The following LPP variants were observed in gnomAD, a reference collection of about 807,000 sequenced individuals.
The protein encoded by LPP is LIM domain containing preferred translocation partner in lipoma.
In LPP, 38 loss-of-function variants were observed where a neutral mutation model predicts 60.4. The ratio of observed to expected loss-of-function variants is 0.63; its 90% confidence interval spans 0.49 to 0.83. The LOEUF (loss-of-function observed/expected upper bound fraction) is 0.83, where lower values mean the gene tolerates loss of function less well. Ranked by LOEUF, LPP falls within the 40% of genes least tolerant of loss-of-function variation. The probability of loss-of-function intolerance (pLI) is 0.00; values close to 1 mark genes in which losing one functional copy is unlikely to be tolerated. For synonymous variants in LPP, 328 were observed against 290.8 expected, an observed-to-expected ratio of 1.13 and a Z score of -1.30; for missense variants, 902 against 783.6, an observed-to-expected ratio of 1.15 and a Z score of -1.80.
At chr3:188,221,635 A>C (rs1250803932) in intron 1 of LPP, among the ~76,000 whole-genome samples, 3 of 152,204 alleles carry the variant, frequency 2.0e-5, no homozygotes, top group Non-Finnish European at 1.5e-5. Flanking sequence ...GATATCAGCT[A>C]GTTAATTGTT....
At chr3:188,357,695 A>C (rs1382964004) in intron 3 of LPP, among the ~76,000 whole-genome samples, 2 of 152,240 alleles carry the variant, frequency 1.3e-5, no homozygotes, top group Admixed American at 6.5e-5. Context: ...TGAGCTCTAA[A>C]AATACAGTTT....
chr3:188,866,529 C>A (rs1002193822), intron 10 of LPP, 151 bp downstream of exon 10: 3 of 577,382 alleles, frequency 5.2e-6, no homozygotes, highest in African/African-American at 3.9e-5. Context: ...TCCCCTCCTC[C>A]AATGCAAGAA....
Position 188,883,618 on chromosome 3 carries a change from A to C in LPP, c.*9139A>C, listed in dbSNP as rs1770310988. The C allele has an allele frequency of 1.1e-5, 2 of 176,942 alleles. No homozygotes were observed. The highest frequency in any genetic ancestry group is 4.8e-5 in the African/African-American group (2 of 41,902). The allele number at this position is 176,942 out of a possible 1,614,324, so 11.0% of individuals were successfully genotyped here. On this transcript the variant is annotated 3_prime_UTR_variant, in exon 12 of 12. Transcript: ENST00000617246. Reference sequence around the variant, plus strand: ...CGTGTTGGCGGGCGCCTGTAGTCCCAACTACTTGGGAGGCTGAGGCAGGAG... The same window carrying C: ...CGTGTTGGCGGGCGCCTGTAGTCCCCACTACTTGGGAGGCTGAGGCAGGAG...
intron 7 of LPP, among the ~76,000 whole-genome samples, chr3:188,641,316 G>A (rs1850071353): frequency 6.6e-6 from 1 of 152,142 alleles, no homozygotes; most frequent in Admixed American, 6.6e-5. Flanking sequence ...AGTTAGAAGT[G>A]GTTAGAGAAG....
rs1419758882 is a variant in LPP at position 188,495,080 on chromosome 3, A to ATTT, written c.306+10377_306+10378insTTT. ...TTCAGGATTTTATATATATATATAT[A>ATTT]TATTTTATTTATATTTTATTATATA... On this transcript the variant is annotated intron_variant, in intron 5 of 11. Transcript: ENST00000617246. Among the ~76,000 whole-genome samples the ATTT allele has an allele frequency of 1.3e-3, 126 of 100,780 alleles. 8 individuals are homozygous for ATTT. Among genetic ancestry groups the ATTT allele is most frequent in the African/African-American group, 7.5e-3 (124 of 16,490 alleles). 66.1% of individuals were successfully genotyped at this position (100,780 alleles called of 152,430 possible).
In LPP at chr3:188,179,094, C is replaced by CAGAGAG. The variant is rs151265768; in HGVS notation, c.-190+24859_-190+24864dup. On this transcript the variant is annotated intron_variant, in intron 1 of 11. Transcript: ENST00000617246. ...AGCAAGAGAGAGGGAGGGAGAGAGACAGAGAGAGAGAGAGAGAGAGAGGTT... is the reference window on the plus strand; with the variant it reads ...AGCAAGAGAGAGGGAGGGAGAGAGACAGAGAGAGAGAGAGAGAGAGAGAGAGAGGTT... 268 of 264,820 alleles carry CAGAGAG rather than the reference C, an allele frequency of 1.0e-3. 2 individuals carry two copies. The highest frequency in any genetic ancestry group is 1.5e-3 in the Non-Finnish European group (203 of 131,676). The allele number at this position is 264,820 out of a possible 1,614,324, so 16.4% of individuals were successfully genotyped here. A position where few individuals can be genotyped will look rare whatever the true frequency, so the allele number is the denominator to read the frequency against.
At chr3:188,215,228 T>C (rs1420776406) in intron 1 of LPP, among the ~76,000 whole-genome samples, 1 of 151,580 alleles carries the variant, frequency 6.6e-6, no homozygotes, top group African/African-American at 2.4e-5. Flanking sequence ...ATTGCTTGAA[T>C]CCAGGGAGTG....
chr3:188,307,083 TAG>T (rs1433417331), intron 2 of LPP, among the ~76,000 whole-genome samples: 1 of 152,250 alleles, frequency 6.6e-6, no homozygotes, highest in East Asian at 1.9e-4. Flanking sequence ...TTGCATGTGC[TAG>T]AAACTTTGCT....
intron 4 of LPP, among the ~76,000 whole-genome samples, chr3:188,411,952 A>ACT (rs967897643): frequency 2.4e-5 from 3 of 126,928 alleles, no homozygotes; most frequent in East Asian, 4.8e-4. Context: ...CAACTTAATA[A>ACT]CTCTCTCTCT....
intron 8 of LPP, among the ~76,000 whole-genome samples, chr3:188,717,558 G>A (rs62291261): frequency 0.057 from 8,667 of 152,146 alleles, 311 homozygotes; most frequent in Non-Finnish European, 0.085. Context: ...AGAGAAGGTT[G>A]TATTGATTTG....
intron 2 of LPP, among the ~76,000 whole-genome samples, chr3:188,313,948 C>T (rs976566714): frequency 7.2e-5 from 11 of 151,934 alleles, no homozygotes; most frequent in African/African-American, 2.7e-4. Context: ...TGTTTGGGGT[C>T]TGGATTTCAG....
At chr3:188,252,073 T>TAC (rs1491568510) in intron 2 of LPP, among the ~76,000 whole-genome samples, 293 of 80,316 alleles carry the variant, frequency 3.6e-3, no homozygotes, top group African/African-American at 0.011. Flanking sequence ...TATATATATA[T>TAC]ATACACACAC....
intron 1 of LPP, among the ~76,000 whole-genome samples, chr3:188,218,489 G>A (rs1302766577): frequency 6.6e-6 from 1 of 152,146 alleles, no homozygotes; most frequent in East Asian, 1.9e-4. Flanking sequence ...CATACACTAA[G>A]TCATCTAAAA....
At chr3:188,766,797 C>A (rs922829523) in intron 9 of LPP, among the ~76,000 whole-genome samples, 3 of 152,182 alleles carry the variant, frequency 2.0e-5, no homozygotes, top group Non-Finnish European at 2.9e-5. Context: ...GTAATTCTCT[C>A]ATCTCAGTAT....
chr3:188,481,282 C>T (rs983639158), intron 4 of LPP, among the ~76,000 whole-genome samples: 10 of 152,124 alleles, frequency 6.6e-5, no homozygotes, highest in East Asian at 1.9e-4. Context: ...CTTTTGAAAA[C>T]GTGAGCACCT....
At chr3:188,298,120 G>C (rs1748548050) in intron 2 of LPP, among the ~76,000 whole-genome samples, 1 of 152,140 alleles carries the variant, frequency 6.6e-6, no homozygotes, top group African/African-American at 2.4e-5. Flanking sequence ...AACATCCTTT[G>C]CAAACCTATC....
At chr3:188,682,390 T>A (rs1859729266) in intron 7 of LPP, among the ~76,000 whole-genome samples, 1 of 152,048 alleles carries the variant, frequency 6.6e-6, no homozygotes, top group Non-Finnish European at 1.5e-5. Context: ...TTAGCATATG[T>A]GTCAGTGCAC....
Position 188,492,999 on chromosome 3 carries a change from G to A in LPP, c.306+8295G>A, listed in dbSNP as rs143970042. Among the ~76,000 whole-genome samples, 386 of 151,578 alleles carry A rather than the reference G, an allele frequency of 2.5e-3. 2 individuals carry two copies. Among genetic ancestry groups the A allele is most frequent in the African/African-American group, 8.9e-3 (365 of 40,922 alleles). On this transcript the variant is annotated intron_variant, in intron 5 of 11. Transcript: ENST00000617246. ...AAACTGTAACTTTTACCTGTTTGCTGTGCTATTTTCTATTTACTATCTTTT... is the reference window on the plus strand; with the variant it reads ...AAACTGTAACTTTTACCTGTTTGCTATGCTATTTTCTATTTACTATCTTTT...
At chr3:188,359,022 G>C (rs922285583) in intron 3 of LPP, among the ~76,000 whole-genome samples, 1 of 152,088 alleles carries the variant, frequency 6.6e-6, no homozygotes, top group African/African-American at 2.4e-5. Flanking sequence ...TTTGACTGTA[G>C]ACCTGGTTTG....
Sources: allele counts gnomAD v4.1 joint callset (sites outside exome capture counted in the v4.1 genomes callset), GRCh38; gene constraint gnomAD v4.1.1; transcripts MANE v1.5; gene names NCBI Gene and HGNC (gene_info 2026-07-23, HGNC 2026-07-21).